The following NAALADL2 variants were observed in gnomAD, a reference collection of about 807,000 sequenced individuals.
The protein encoded by NAALADL2 is inactive N-acetylated-alpha-linked acidic dipeptidase-like protein 2.
A neutral mutation model predicts 87.2 loss-of-function variants in NAALADL2; 76 were observed. The ratio of observed to expected loss-of-function variants is 0.87; its 90% CI spans 0.72 to 1.05. NAALADL2 has a LOEUF of 1.05. NAALADL2 is among the 50% of genes least tolerant of loss of function. NAALADL2 has a pLI of 0.00. For missense variants in NAALADL2, 1,089 were observed against 945.8 expected (o/e 1.15, Z -1.99); for synonymous variants, 354 against 331.0 (o/e 1.07, Z -0.75).
intron 13 of NAALADL2, among the ~76,000 whole-genome samples, chr3:175,756,098 G>A (rs1182110413): frequency 2.0e-5 from 3 of 151,962 alleles, no homozygotes; most frequent in Non-Finnish European, 4.4e-5. Context: ...ATAAAACCAC[G>A]TCATTAAAAC....
intron 1 of NAALADL2, among the ~76,000 whole-genome samples, chr3:175,012,670 C>T (rs573408652): frequency 3.3e-5 from 5 of 152,002 alleles, no homozygotes; most frequent in Non-Finnish European, 7.4e-5. Context: ...AGTGCACAGC[C>T]ATGCCTATGC....
In NAALADL2 at chr3:174,791,412, C is replaced by T. The variant is rs563992946; in HGVS notation, c.-9+53666C>T. Among the ~76,000 whole-genome samples, 7 of 152,300 alleles carry T rather than the reference C, an allele frequency of 4.6e-5. No individual in the cohort carries two copies. In the East Asian group the frequency reaches 7.7e-4, roughly 17 times the overall value. ...AGAGAGACCATCCATCCTTCCACCA[C>T]GTGAGGACACAGCAAGAAGGCATGT... is the stretch of plus-strand genomic sequence containing the variant. On this transcript the variant is annotated intron_variant, in intron 3 of 3. Coordinates refer to the NAALADL2 transcript ENST00000434257.
intron 9 of NAALADL2, among the ~76,000 whole-genome samples, chr3:175,475,640 G>A (rs1263042887): frequency 6.6e-6 from 1 of 152,170 alleles, no homozygotes; most frequent in Non-Finnish European, 1.5e-5. Flanking sequence ...GCACCTGCCA[G>A]AAACTGGCCA....
chr3:175,616,058 A>T (rs1465942485), intron 10 of NAALADL2, among the ~76,000 whole-genome samples: 1 of 146,794 alleles, frequency 6.8e-6, no homozygotes, highest in Non-Finnish European at 1.5e-5. Context: ...ATATAATATG[A>T]TATATTTTAG....
At chr3:175,310,672 G>A (rs1221794214) in intron 4 of NAALADL2, among the ~76,000 whole-genome samples, 1 of 151,312 alleles carries the variant, frequency 6.6e-6, no homozygotes, top group Non-Finnish European at 1.5e-5. Flanking sequence ...TTTTATTTGA[G>A]CTTGCTTACT....
At chr3:174,914,133 G>C (rs2108315559) in intron 1 of NAALADL2, among the ~76,000 whole-genome samples, 1 of 151,092 alleles carries the variant, frequency 6.6e-6, no homozygotes, top group South Asian at 2.1e-4. Flanking sequence ...TGTGATCTCG[G>C]CTCACTGCAA....
chr3:175,694,591 A>G (rs973233324), intron 11 of NAALADL2, among the ~76,000 whole-genome samples: 2 of 152,150 alleles, frequency 1.3e-5, no homozygotes, highest in African/African-American at 2.4e-5. Flanking sequence ...AATGCTATAT[A>G]CTTTGACTAA....
At chr3:175,297,121 C>T (rs533684896) in intron 4 of NAALADL2, among the ~76,000 whole-genome samples, 1 of 152,212 alleles carries the variant, frequency 6.6e-6, no homozygotes, top group South Asian at 2.1e-4. Context: ...TCCTTTTGTG[C>T]TACAGCAGAA....
At chr3:175,472,836 T>C (rs1725098042) in intron 9 of NAALADL2, among the ~76,000 whole-genome samples, 1 of 152,192 alleles carries the variant, frequency 6.6e-6, no homozygotes, top group Admixed American at 6.5e-5. Context: ...TAATTTCTCC[T>C]GCTCTGTGTA....
intron 2 of NAALADL2, among the ~76,000 whole-genome samples, chr3:174,557,893 C>T (rs1713046280): frequency 6.6e-6 from 1 of 152,098 alleles, no homozygotes; most frequent in Middle Eastern, 3.2e-3. Context: ...CGGAGTCAAA[C>T]AGGAAGCACT....
chr3:174,674,625 T>G (rs892718560), intron 2 of NAALADL2, among the ~76,000 whole-genome samples: 1 of 152,050 alleles, frequency 6.6e-6, no homozygotes, highest in African/African-American at 2.4e-5. Flanking sequence ...TTTAAATAAC[T>G]TATCTACCCT....
chr3:175,160,595 G>A (rs1464137265), intron 2 of NAALADL2, among the ~76,000 whole-genome samples: 2 of 151,420 alleles, frequency 1.3e-5, no homozygotes, highest in South Asian at 2.1e-4. Flanking sequence ...CAGGTGATCC[G>A]CCCGCCTCGG....
At chr3:175,104,734 A>G (rs761040827) in intron 2 of NAALADL2, among the ~76,000 whole-genome samples, 25 of 152,156 alleles carry the variant, frequency 1.6e-4, no homozygotes, top group Non-Finnish European at 2.9e-4. Context: ...AATGAATTTA[A>G]CAGTAATAGA....
chr3:175,780,356 G>T (rs1322420537), intron 13 of NAALADL2, among the ~76,000 whole-genome samples: 1 of 151,498 alleles, frequency 6.6e-6, no homozygotes, highest in Non-Finnish European at 1.5e-5. Flanking sequence ...ACACACACAT[G>T]CACACAAACA....
At chr3:175,411,572 T>C (rs1442164674) in intron 5 of NAALADL2, among the ~76,000 whole-genome samples, 1 of 151,564 alleles carries the variant, frequency 6.6e-6, no homozygotes, top group East Asian at 1.9e-4. Context: ...AAGGGAGGAG[T>C]TGAATAAGCA....
chr3:174,945,149 C>T (rs1739212148), intron 1 of NAALADL2, among the ~76,000 whole-genome samples: 1 of 152,192 alleles, frequency 6.6e-6, no homozygotes, highest in African/African-American at 2.4e-5. Flanking sequence ...GTCTGTATTT[C>T]TCCATTTGTG....
intron 9 of NAALADL2, among the ~76,000 whole-genome samples, chr3:175,556,133 A>G (rs1285238833): frequency 6.6e-6 from 1 of 152,188 alleles, no homozygotes; most frequent in African/African-American, 2.4e-5. Flanking sequence ...GGAGGTAGTG[A>G]TAACAGCCTG....
At chr3:174,508,773 C>G (rs545656232) in intron 1 of NAALADL2, among the ~76,000 whole-genome samples, 2 of 152,192 alleles carry the variant, frequency 1.3e-5, no homozygotes, top group Non-Finnish European at 2.9e-5. Flanking sequence ...TCTGGCTGGG[C>G]GCAGTGGCTC....
intron 5 of NAALADL2, among the ~76,000 whole-genome samples, chr3:175,399,911 C>T (rs1228611645): frequency 1.3e-5 from 2 of 152,090 alleles, no homozygotes; most frequent in African/African-American, 4.8e-5. Context: ...TAATCCAACT[C>T]TTTATGGTAA....
Sources: allele counts gnomAD v4.1 joint callset (sites outside exome capture counted in the v4.1 genomes callset), GRCh38; gene constraint gnomAD v4.1.1; transcripts MANE v1.5; gene names NCBI Gene and HGNC (gene_info 2026-07-23, HGNC 2026-07-21).